SIGMAR1: variants seen among roughly 807,000 people sequenced by gnomAD.
SIGMAR1 encodes SR31747 binding protein 1.
In SIGMAR1, 18 loss-of-function variants were observed where a neutral mutation model predicts 25.4. The ratio of observed to expected loss-of-function variants is 0.71; its 90% confidence interval spans 0.49 to 1.05. The LOEUF is 1.05. Ranked by LOEUF, SIGMAR1 falls within the 50% of genes least tolerant of loss-of-function variation. The pLI is 0.00. For synonymous variants in SIGMAR1, 125 were observed against 131.6 expected (o/e 0.95, Z 0.34); for missense variants, 249 against 301.6 (o/e 0.83, Z 1.29).
rs1820898544 is a variant in SIGMAR1 at position 34,637,165 on chromosome 9, G to T, written c.352+55C>A. 6 of 1,584,954 alleles carry T rather than the reference G, an allele frequency of 3.8e-6. No individual in the cohort carries two copies. In the South Asian group the frequency reaches 6.8e-5, roughly 18 times the overall value. ...GCCCAGCCAAACATCAGAAAGGAGG[G>T]CATGGGCCCCTTTACAACCCCAGCC... is the stretch of plus-strand genomic sequence containing the variant. On this transcript the variant is annotated intron_variant, in intron 2 of 3. Transcript: ENST00000277010.
intron 3 of SIGMAR1, among the ~76,000 whole-genome samples, chr9:34,636,143 G>C (rs1200217743): frequency 6.6e-6 from 1 of 151,966 alleles, no homozygotes; most frequent in African/African-American, 2.4e-5. Context: ...GAATCAAGCA[G>C]AAATTTAGCT....
Position 34,635,186 on chromosome 9 carries a change from C to G in SIGMAR1, c.*446G>C. ...GCCTCCAAAAGGCAGCTCCTCTTCC[C>G]CCTCATCCCCTCAAATTGCTGCTGG... is the stretch of plus-strand genomic sequence containing the variant. On this transcript the variant is annotated 3_prime_UTR_variant, in exon 4 of 4. Coordinates refer to ENST00000277010, the MANE Select transcript of SIGMAR1 (RefSeq NM_005866.4). The surrounding 1 kb of genome is among the most constrained non-coding windows in gnomAD (Gnocchi z 4.5). 3.8e-6 allele frequency: 1 copy of G among 262,944 alleles called. No individual in the cohort carries two copies. The highest frequency in any genetic ancestry group is 7.6e-6 in the Non-Finnish European group (1 of 132,420). 16.3% of individuals were successfully genotyped at this position (262,944 alleles called of 1,614,324 possible).
Position 34,637,741 on chromosome 9 carries a change from G to T in SIGMAR1, c.-44C>A. On this transcript the variant is annotated 5_prime_UTR_variant, in exon 1 of 4. Transcript: ENST00000277010. ...ACGGCGCAGCTCAGGAGGGAGCCGG[G>T]GCCTGAGGCTTTGCGCTCACGGCCT... is the stretch of plus-strand genomic sequence containing the variant. The T allele has an allele frequency of 7.3e-7, 1 of 1,366,400 alleles. No individual in the cohort carries two copies. The highest frequency in any genetic ancestry group is 9.6e-7 in the Non-Finnish European group (1 of 1,046,530). The allele number at this position is 1,366,400 out of a possible 1,614,324, so 84.6% of individuals were successfully genotyped here. A position where few individuals can be genotyped will look rare whatever the true frequency, so the allele number is the denominator to read the frequency against.
rs754723315 is a variant in SIGMAR1 at position 34,637,076 on chromosome 9, A to G, written c.366T>C (p.Ala122=). The G allele has an allele frequency of 1.2e-5, 19 of 1,614,080 alleles. No individual in the cohort carries two copies. The highest frequency in any genetic ancestry group is 1.5e-5 in the Non-Finnish European group (18 of 1,180,040). ...GSRGHSGRYW[A]EISDTIISGT... The stretch of plus-strand genomic sequence containing the variant: ...CAGAGATGATGGTATCCGAGATCTC[A>G]GCCCAGTAGCGCCCTGAGTGACAAT... The change falls in exon 3 of 4, where the codon GCT becomes GCC. Residue 122 remains alanine (A), a synonymous_variant. Transcript: ENST00000277010.
Position 34,635,574 on chromosome 9 carries a change from A to C in SIGMAR1, c.*58T>G. On this transcript the variant is annotated 3_prime_UTR_variant, in exon 4 of 4. Transcript: ENST00000277010. This position sits in a 1 kb window ranked among gnomAD's most constrained non-coding sequence, Gnocchi z 4.5. ...TGTAAACATGGGCTCCAGCAAGTGG[A>C]TATGTGCGGGCCTGCCCGCTCCTGT... is the stretch of plus-strand genomic sequence containing the variant. 6.2e-7 allele frequency: 1 copy of C among 1,609,016 alleles called. No homozygotes were observed. The highest frequency in any genetic ancestry group is 2.2e-5 in the East Asian group (1 of 44,738).
Position 34,635,823 on chromosome 9 carries a change from C to A in SIGMAR1, c.481G>T (p.Ala161Ser), listed in dbSNP as rs1820834640. Residue 161 changes from alanine (A) to serine (S), a missense_variant, in exon 4 of 4, where the codon GCT becomes TCT. Coordinates refer to ENST00000277010, the MANE Select transcript of SIGMAR1 (RefSeq NM_005866.4). This position sits in a 1 kb window ranked among gnomAD's most constrained non-coding sequence, Gnocchi z 4.5. ...TVVHGPGEAT[A>S]VEWGPNTWMV... ...CATGTGTTTGGCCCCCACTCCACAG[C>A]TGTTGCCTCACCAGGCCCGTGTACT... is the stretch of plus-strand genomic sequence containing the variant. 6.2e-7 allele frequency: 1 copy of A among 1,614,194 alleles called. No homozygotes were observed. The highest frequency in any genetic ancestry group is 1.1e-5 in the South Asian group (1 of 91,088).
Position 34,635,342 on chromosome 9 carries a change from T to A in SIGMAR1, c.*290A>T. On this transcript the variant is annotated 3_prime_UTR_variant, in exon 4 of 4. Transcript: ENST00000277010. The surrounding 1 kb of genome is among the most constrained non-coding windows in gnomAD (Gnocchi z 4.5). ...TCAGTTAGTGAGTCAAGCTGTGATG[T>A]GTGTGTCTGAACACAACTGGCTCCC... 2.2e-6 allele frequency: 1 copy of A among 459,722 alleles called. No homozygotes were observed. Among genetic ancestry groups the A allele is most frequent in the Non-Finnish European group, 4.0e-6 (1 of 247,108 alleles). The allele number at this position is 459,722 out of a possible 1,614,324, so 28.5% of individuals were successfully genotyped here. A position where few individuals can be genotyped will look rare whatever the true frequency, so the allele number is the denominator to read the frequency against.
chr9:34,637,617 C>T lies in SIGMAR1; in HGVS notation c.81G>A (p.Trp27Ter), dbSNP rs1199979713. 3.2e-6 allele frequency: 5 copies of T among 1,548,238 alleles called. No homozygotes were observed. Among genetic ancestry groups the T allele is most frequent in the Non-Finnish European group, 4.3e-6 (5 of 1,151,760 alleles). Residue 27 changes from tryptophan to a stop codon, truncating the protein, a stop_gained, in exon 1 of 4, where the codon TGG becomes TGA. Transcript: ENST00000277010. LOFTEE classifies it high-confidence loss of function. ...AVAAVLTQVV[W>*]LWLGTQSFVF... ...CGAAGCTCTGCGTACCCAGCCAGAG[C>T]CAGACGACCTGGGTCAGCACCGCTG...
Position 34,635,270 on chromosome 9 carries a change from C to T in SIGMAR1, c.*362G>A, listed in dbSNP as rs1017363983. The T allele has an allele frequency of 4.7e-5, 17 of 360,438 alleles. No homozygotes were observed. Among genetic ancestry groups the T allele is most frequent in the African/African-American group, 2.3e-4 (11 of 47,388 alleles). The allele number at this position is 360,438 out of a possible 1,614,324, so 22.3% of individuals were successfully genotyped here. A position where few individuals can be genotyped will look rare whatever the true frequency, so the allele number is the denominator to read the frequency against. ...TCCCCCATCCTTAACTCTAGAACCC[C>T]GGTTTGGTGGGGAGGAGGTGGGAAG... On this transcript the variant is annotated 3_prime_UTR_variant, in exon 4 of 4. Coordinates refer to ENST00000277010, the MANE Select transcript of SIGMAR1 (RefSeq NM_005866.4). This position sits in a 1 kb window ranked among gnomAD's most constrained non-coding sequence, Gnocchi z 4.5.
chr9:34,635,590 C>A lies in SIGMAR1; in HGVS notation c.*42G>T, dbSNP rs188221803. 1.1e-3 allele frequency: 1,837 copies of A among 1,612,792 alleles called. 4 individuals are homozygous for A. The highest frequency in any genetic ancestry group is 1.6e-3 in the Admixed American group (93 of 59,862). ...AGCAAGTGGATATGTGCGGGCCTGC[C>A]CGCTCCTGTCTATCCGCAGGTCTTC... On this transcript the variant is annotated 3_prime_UTR_variant, in exon 4 of 4. Coordinates refer to ENST00000277010, the MANE Select transcript of SIGMAR1 (RefSeq NM_005866.4). This position sits in a 1 kb window ranked among gnomAD's most constrained non-coding sequence, Gnocchi z 4.5.
Position 34,635,841 on chromosome 9 carries a change from C to A in SIGMAR1, c.463G>T (p.Gly155Trp), listed in dbSNP as rs200076129. 3.0e-5 allele frequency: 48 copies of A among 1,614,038 alleles called. No individual in the cohort carries two copies. The highest frequency in any genetic ancestry group is 2.3e-4 in the Admixed American group (14 of 60,032). ...VFYPGETVVHGPGEATAVEWG... is the reference protein window; with the variant it reads ...VFYPGETVVHWPGEATAVEWG... ...TCCACAGCTGTTGCCTCACCAGGCC[C>A]GTGTACTACCGTCTCCCCTGGGGGA... Residue 155 changes from glycine (G) to tryptophan (W), a missense_variant, in exon 4 of 4, where the codon GGG becomes TGG. Gly to Trp is a radical substitution (Grantham distance 184). Transcript: ENST00000277010. The surrounding 1 kb of genome is among the most constrained non-coding windows in gnomAD (Gnocchi z 4.5).
chr9:34,636,964 G>T, intron 3 of SIGMAR1, 33 bp downstream of exon 3: 1 of 1,573,722 alleles, frequency 6.4e-7, no homozygotes, highest in Non-Finnish European at 8.7e-7. Flanking sequence ...CGCGTGAAGG[G>T]ACCCACTTCT....
At position 34,635,693 on chromosome 9, in the gene SIGMAR1, C is replaced by G. The variant is rs367900271; in HGVS notation, c.611G>C (p.Arg204Pro). 2 of 1,614,100 alleles carry G rather than the reference C, an allele frequency of 1.2e-6. No individual in the cohort carries two copies. Among genetic ancestry groups the G allele is most frequent in the Non-Finnish European group, 1.7e-6 (2 of 1,180,058 alleles). The change falls in exon 4 of 4, where the codon CGC becomes CCC. Residue 204 changes from arginine to proline, a missense_variant. Coordinates refer to ENST00000277010, the MANE Select transcript of SIGMAR1 (RefSeq NM_005866.4). This position sits in a 1 kb window ranked among gnomAD's most constrained non-coding sequence, Gnocchi z 4.5. ...QDFLTLFYTL[R>P]SYARGLRLEL... ...AAGCCGGAGGCCCCGAGCATAGGAGCGAAGAGTATAGAAGAGGGTGAGGAA... is the reference window on the plus strand; with the variant it reads ...AAGCCGGAGGCCCCGAGCATAGGAGGGAAGAGTATAGAAGAGGGTGAGGAA...
At position 34,635,500 on chromosome 9, in the gene SIGMAR1, C is replaced by A; in HGVS notation, c.*132G>T. 1.5e-6 allele frequency: 2 copies of A among 1,362,708 alleles called. No homozygotes were observed. The highest frequency in any genetic ancestry group is 1.0e-6 in the Non-Finnish European group (1 of 980,590). The allele number at this position is 1,362,708 out of a possible 1,614,324, so 84.4% of individuals were successfully genotyped here. On this transcript the variant is annotated 3_prime_UTR_variant, in exon 4 of 4. Coordinates refer to ENST00000277010, the MANE Select transcript of SIGMAR1 (RefSeq NM_005866.4). This position sits in a 1 kb window ranked among gnomAD's most constrained non-coding sequence, Gnocchi z 4.5. The stretch of plus-strand genomic sequence containing the variant: ...GTTTGGATACATAAGCATGGATATC[C>A]CTGCTCATACAGCAGGAACTCAGGA...
chr9:34,636,400 G>A (rs1014639092), intron 3 of SIGMAR1, among the ~76,000 whole-genome samples: 12 of 151,752 alleles, frequency 7.9e-5, no homozygotes, highest in Non-Finnish European at 1.2e-4. Context: ...TTGGGAGGCC[G>A]AGGCGGGTGG....
Position 34,635,623 on chromosome 9 carries a change from C to G in SIGMAR1, c.*9G>C, listed in dbSNP as rs372243666. On this transcript the variant is annotated 3_prime_UTR_variant, in exon 4 of 4. Coordinates refer to ENST00000277010, the MANE Select transcript of SIGMAR1 (RefSeq NM_005866.4). This position sits in a 1 kb window ranked among gnomAD's most constrained non-coding sequence, Gnocchi z 4.5. ...GTCTATCCGCAGGTCTTCCTTCAGG[C>G]CTGGCTGGTCAAGGGTCCTGGCCAA... is the stretch of plus-strand genomic sequence containing the variant. 183 of 1,613,964 alleles carry G rather than the reference C, an allele frequency of 1.1e-4. No homozygotes were observed. Among genetic ancestry groups the G allele is most frequent in the Non-Finnish European group, 1.5e-4 (175 of 1,179,936 alleles).
Position 34,635,502 on chromosome 9 carries a change from T to C in SIGMAR1, c.*130A>G. Reference sequence around the variant, plus strand: ...TTGGATACATAAGCATGGATATCCCTGCTCATACAGCAGGAACTCAGGATC... The same window carrying C: ...TTGGATACATAAGCATGGATATCCCCGCTCATACAGCAGGAACTCAGGATC... On this transcript the variant is annotated 3_prime_UTR_variant, in exon 4 of 4. Coordinates refer to ENST00000277010, the MANE Select transcript of SIGMAR1 (RefSeq NM_005866.4). This position sits in a 1 kb window ranked among gnomAD's most constrained non-coding sequence, Gnocchi z 4.5. 3 of 1,384,222 alleles carry C rather than the reference T, an allele frequency of 2.2e-6. No individual in the cohort carries two copies. The South Asian group carries it at 3.7e-5, about 17-fold the overall frequency. The allele number at this position is 1,384,222 out of a possible 1,614,324, so 85.7% of individuals were successfully genotyped here.
rs777650644 is a variant in SIGMAR1, at chr9:34,635,751, C to G, written c.553G>C (p.Ala185Pro). ...GTGCTGAAGACAGTGTCGGCCAGCG[C>G]GAAGGCCAGGGTGGATGGGATGACG... ...RGVIPSTLAF[A>P]LADTVFSTQD... Residue 185 changes from alanine (A) to proline (P), a missense_variant, in exon 4 of 4, where the codon GCG (alanine) becomes CCG (proline). Physicochemically the swap from Ala to Pro is conservative, Grantham distance 27. Coordinates refer to ENST00000277010, the MANE Select transcript of SIGMAR1 (RefSeq NM_005866.4). The surrounding 1 kb of genome is among the most constrained non-coding windows in gnomAD (Gnocchi z 4.5). 3.1e-6 allele frequency: 5 copies of G among 1,614,114 alleles called. No individual in the cohort carries two copies. The highest frequency in any genetic ancestry group is 2.2e-5 in the South Asian group (2 of 91,094).
Position 34,635,773 on chromosome 9 carries a change from G to C in SIGMAR1, c.531C>G (p.Val177=). 1 of 1,614,230 alleles carries C rather than the reference G, an allele frequency of 6.2e-7. No homozygotes were observed. The highest frequency in any genetic ancestry group is 8.5e-7 in the Non-Finnish European group (1 of 1,180,042). Residue 177 remains valine, a synonymous_variant, in exon 4 of 4, where the codon GTC becomes GTG. Transcript: ENST00000277010. The surrounding 1 kb of genome is among the most constrained non-coding windows in gnomAD (Gnocchi z 4.5). The part of the protein sequence containing the change: ...NTWMVEYGRG[V]IPSTLAFALA... ...GCGCGAAGGCCAGGGTGGATGGGAT[G>C]ACGCCCCGGCCGTACTCCACCATCC...
Sources: gnomAD v4.1 joint callset for allele counts (sites outside exome capture counted in the v4.1 genomes callset) on GRCh38, gnomAD v4.1.1 for gene constraint, Gnocchi (gnomAD v3.1) non-coding constraint, MANE v1.5 for transcripts, NCBI Gene and HGNC (gene_info 2026-07-23, HGNC 2026-07-21) for gene names.